Variants in CORO2A observed in about 807,000 individuals in gnomAD.
The protein encoded by CORO2A is coronin-2A.
In CORO2A, 47 loss-of-function variants were observed where a neutral mutation model predicts 62.4. That is an observed-to-expected ratio of 0.75 (90% CI 0.60 to 0.96). The LOEUF (loss-of-function observed/expected upper bound fraction) is 0.96, where lower values mean the gene tolerates loss of function less well. Ranked by LOEUF, CORO2A falls within the 40% of genes least tolerant of loss-of-function variation. The pLI, the probability that CORO2A is intolerant of heterozygous loss-of-function variation, is 0.00. For missense variants in CORO2A, 610 were observed against 684.1 expected, an observed-to-expected ratio of 0.89 and a Z score of 1.21; for synonymous variants, 273 against 268.9, an observed-to-expected ratio of 1.02 and a Z score of -0.15.
intron 9 of CORO2A, 128 bp from the exon 10 acceptor site, chr9:98,128,388 C>T: frequency 1.2e-6 from 1 of 859,582 alleles, no homozygotes; most frequent in Non-Finnish European, 1.9e-6. Flanking sequence ...GCCCAGAGAA[C>T]AAAGGGACTT....
intron 1 of CORO2A, among the ~76,000 whole-genome samples, chr9:98,182,614 T>C (rs1006703731): frequency 6.6e-6 from 1 of 152,206 alleles, no homozygotes; most frequent in African/African-American, 2.4e-5. Flanking sequence ...AGAAGTGGAA[T>C]CTAATTAGAC....
chr9:98,162,536 T>A (rs1295952858), intron 1 of CORO2A, among the ~76,000 whole-genome samples: 1 of 152,164 alleles, frequency 6.6e-6, no homozygotes, highest in African/African-American at 2.4e-5. Flanking sequence ...ACTTCACAAG[T>A]AGGGGGTGGG....
At chr9:98,146,432 C>CCCTGAA (rs1827645016) in intron 2 of CORO2A, among the ~76,000 whole-genome samples, 1 of 152,224 alleles carries the variant, frequency 6.6e-6, no homozygotes, top group Non-Finnish European at 1.5e-5. Flanking sequence ...CCTGCAGTGT[C>CCCTGAA]ACTCCCTTTG....
chr9:98,165,480 G>A (rs16913432), intron 1 of CORO2A, among the ~76,000 whole-genome samples: 16,768 of 152,178 alleles, frequency 0.11, 980 homozygotes, highest in Middle Eastern at 0.14. Flanking sequence ...CTTATTCTGC[G>A]CCAAGCCGTG....
intron 1 of CORO2A, among the ~76,000 whole-genome samples, chr9:98,182,925 T>A (rs1828195806): frequency 6.6e-6 from 1 of 152,248 alleles, no homozygotes; most frequent in Non-Finnish European, 1.5e-5. Flanking sequence ...TCACAACAGA[T>A]AAGCCCTGCC....
At chr9:98,157,221 AT>A (rs1477883363) in intron 2 of CORO2A, 6 of 437,304 alleles carry the variant, frequency 1.4e-5, no homozygotes, top group Admixed American at 4.0e-5. Flanking sequence ...GCAGAATTAT[AT>A]TGCAGAGAAG....
At chr9:98,186,405 T>C (rs1041497361) in intron 1 of CORO2A, among the ~76,000 whole-genome samples, 10 of 152,056 alleles carry the variant, frequency 6.6e-5, no homozygotes, top group Non-Finnish European at 1.3e-4. Context: ...GCAGATGACA[T>C]AGATTGAATG....
intron 2 of CORO2A, among the ~76,000 whole-genome samples, chr9:98,153,022 A>G (rs1001787683): frequency 7.9e-5 from 12 of 152,234 alleles, no homozygotes. Context: ...GTGGTTATAT[A>G]AGAGAATATT....
chr9:98,186,344 G>T (rs1828238849), intron 1 of CORO2A, among the ~76,000 whole-genome samples: 1 of 152,154 alleles, frequency 6.6e-6, no homozygotes, highest in Non-Finnish European at 1.5e-5. Flanking sequence ...TGACATTCCA[G>T]GGATGGACTA....
intron 2 of CORO2A, among the ~76,000 whole-genome samples, chr9:98,143,533 G>A (rs1365480424): frequency 6.6e-6 from 1 of 152,194 alleles, no homozygotes; most frequent in African/African-American, 2.4e-5. Context: ...CCATGGTGCA[G>A]CCTTGGGCAA....
intron 1 of CORO2A, among the ~76,000 whole-genome samples, chr9:98,169,583 C>G (rs777103721): frequency 6.6e-6 from 1 of 152,156 alleles, no homozygotes; most frequent in Non-Finnish European, 1.5e-5. Context: ...GGATAAAGTC[C>G]TCTGCTGGAC....
intron 2 of CORO2A, among the ~76,000 whole-genome samples, chr9:98,138,347 G>A (rs1827517241): frequency 6.6e-6 from 1 of 151,334 alleles, no homozygotes; most frequent in Non-Finnish European, 1.5e-5. Flanking sequence ...GGAGGTGGAG[G>A]TTGCAGTGAG....
At chr9:98,189,508 A>G (rs997589816) in intron 1 of CORO2A, among the ~76,000 whole-genome samples, 2 of 152,142 alleles carry the variant, frequency 1.3e-5, no homozygotes, top group Non-Finnish European at 2.9e-5. Context: ...CTCTAAGGGG[A>G]TTCATTTAAT....
At chr9:98,148,326 C>T (rs147200130) in intron 2 of CORO2A, among the ~76,000 whole-genome samples, 61 of 144,584 alleles carry the variant, frequency 4.2e-4, no homozygotes, top group African/African-American at 1.5e-3. Context: ...ACCCAGGAGG[C>T]GGAGGCTTCA....
intron 1 of CORO2A, among the ~76,000 whole-genome samples, chr9:98,160,682 G>A (rs1564211850): frequency 6.6e-6 from 1 of 152,072 alleles, no homozygotes; most frequent in Non-Finnish European, 1.5e-5. Context: ...TCCGCTCCAG[G>A]CCCCCCCACT....
chr9:98,191,817 T>C (rs1828308950), intron 1 of CORO2A, among the ~76,000 whole-genome samples: 2 of 152,192 alleles, frequency 1.3e-5, no homozygotes, highest in South Asian at 4.1e-4. Flanking sequence ...CCAGCTAGTG[T>C]GTGTCACACC....
intron 2 of CORO2A, among the ~76,000 whole-genome samples, chr9:98,144,078 A>C (rs1282157931): frequency 6.6e-6 from 1 of 151,582 alleles, no homozygotes; most frequent in Non-Finnish European, 1.5e-5. Flanking sequence ...GGTCCCAGCT[A>C]CTCGGGAGGC....
intron 2 of CORO2A, among the ~76,000 whole-genome samples, chr9:98,149,606 T>G (rs1394253163): frequency 6.6e-6 from 1 of 152,258 alleles, no homozygotes; most frequent in Non-Finnish European, 1.5e-5. Context: ...CGGGGAGGTG[T>G]CCCAGACTGT....
chr9:98,136,517 CCTT>C (rs1336168192), intron 3 of CORO2A, among the ~76,000 whole-genome samples: 1 of 152,242 alleles, frequency 6.6e-6, no homozygotes, highest in Non-Finnish European at 1.5e-5. Flanking sequence ...CTGCTGCAAC[CCTT>C]CTTAGCCATC....
Sources: allele counts gnomAD v4.1 joint callset (sites outside exome capture counted in the v4.1 genomes callset), GRCh38; gene constraint gnomAD v4.1.1; transcripts MANE v1.5; gene names NCBI Gene and HGNC (gene_info 2026-07-23, HGNC 2026-07-21).